Variants in SPATA6 observed in about 807,000 individuals in gnomAD.
SPATA6 encodes spermatogenesis associated 6, also known as spermatogenesis-associated protein 6.
Under a neutral mutation model 65.3 loss-of-function variants are expected in SPATA6, and 56 were observed. That is an observed-to-expected ratio of 0.86 (90% CI 0.69 to 1.07). The LOEUF is 1.07. Among genes scored for constraint, SPATA6 ranks in the 50% least tolerant of loss-of-function variants. SPATA6 has a pLI of 0.00. For missense variants in SPATA6, 590 were observed against 594.8 expected (o/e 0.99, Z 0.08); for synonymous variants, 199 against 213.2 (o/e 0.93, Z 0.58).
At chr1:48,454,064 T>C (rs1427195429) in intron 1 of SPATA6, among the ~76,000 whole-genome samples, 1 of 151,368 alleles carries the variant, frequency 6.6e-6, no homozygotes, top group African/African-American at 2.4e-5. Flanking sequence ...AGTGCACTTA[T>C]ATAGTTAAGT....
chr1:48,276,963 T>A, the SPATA6 span, among the ~76,000 whole-genome samples: 2 of 152,098 alleles, frequency 1.3e-5, no homozygotes, highest in South Asian at 4.2e-4. Context: ...GGAAGTCTAA[T>A]TCTCTTTGTA....
At chr1:48,414,912 A>G (rs1472805690) in intron 3 of SPATA6, among the ~76,000 whole-genome samples, 1 of 152,224 alleles carries the variant, frequency 6.6e-6, no homozygotes, top group African/African-American at 2.4e-5. Flanking sequence ...TTGAAAAACT[A>G]TAACATGCCA....
the SPATA6 span, among the ~76,000 whole-genome samples, chr1:48,287,999 G>A: frequency 6.6e-6 from 1 of 152,142 alleles, no homozygotes; most frequent in Admixed American, 6.5e-5. Flanking sequence ...TTTGTTTAAA[G>A]TTTTTATCAT....
intron 11 of SPATA6, among the ~76,000 whole-genome samples, chr1:48,329,760 C>T (rs1439977851): frequency 2.6e-5 from 4 of 152,156 alleles, no homozygotes. Flanking sequence ...GGGCACCGCC[C>T]ATCTGAGCTC....
intron 11 of SPATA6, among the ~76,000 whole-genome samples, chr1:48,312,663 G>A (rs147840085): frequency 1.2e-4 from 19 of 152,172 alleles, no homozygotes; most frequent in Non-Finnish European, 2.2e-4. Context: ...AAGGAATGCA[G>A]CTCCTCACCA....
At chr1:48,302,912 T>C (rs1398154349) in intron 12 of SPATA6, among the ~76,000 whole-genome samples, 1 of 152,020 alleles carries the variant, frequency 6.6e-6, no homozygotes, top group Non-Finnish European at 1.5e-5. Flanking sequence ...CTCCCTTGCT[T>C]GTTTGCCAAC....
At position 48,305,491 on chromosome 1, in the gene SPATA6, T is replaced by C. The variant is rs185364418; in HGVS notation, c.1286+296A>G. 2.8e-3 allele frequency among the ~76,000 whole-genome samples: 425 copies of C among 152,194 alleles called. 2 individuals carry two copies. Among genetic ancestry groups the C allele is most frequent in the Non-Finnish European group, 3.5e-3 (237 of 67,974 alleles). On this transcript the variant is annotated intron_variant, in intron 12 of 12. Transcript: ENST00000371847. The stretch of plus-strand genomic sequence containing the variant: ...CAAATTATTAAAAAAGGTTGGTTCA[T>C]GGTGTAAAATTATAAGAACTATTTT...
the SPATA6 span, among the ~76,000 whole-genome samples, chr1:48,287,034 T>A: frequency 8.7e-6 from 1 of 115,124 alleles, no homozygotes; most frequent in Non-Finnish European, 1.8e-5. Flanking sequence ...AGTTAGACTG[T>A]CTCAAAAAAA....
rs114708096 is a variant in SPATA6, at chr1:48,319,336, A to G, written c.1195-13458T>C. 2.6e-3 allele frequency among the ~76,000 whole-genome samples: 403 copies of G among 152,292 alleles called. 4 individuals are homozygous for G. The highest frequency in any genetic ancestry group is 9.3e-3 in the African/African-American group (386 of 41,570). Reference sequence around the variant, plus strand: ...AAGGTGGAAGACAAACCACAAACATAAGAATATATTTGCAAACCTTATTAT... The same window carrying G: ...AAGGTGGAAGACAAACCACAAACATGAGAATATATTTGCAAACCTTATTAT... On this transcript the variant is annotated intron_variant, in intron 11 of 12. Transcript: ENST00000371847.
At chr1:48,271,862 G>A in the SPATA6 span, among the ~76,000 whole-genome samples, 12 of 152,096 alleles carry the variant, frequency 7.9e-5, no homozygotes, top group Admixed American at 5.2e-4. Context: ...CACACAATAT[G>A]CTAAACATGA....
chr1:48,329,855 T>A (rs1645866032), intron 11 of SPATA6, among the ~76,000 whole-genome samples: 1 of 152,214 alleles, frequency 6.6e-6, no homozygotes, highest in African/African-American at 2.4e-5. Flanking sequence ...CAGGGACCTG[T>A]GCAAGACCAG....
At chr1:48,289,134 T>C in the SPATA6 span, among the ~76,000 whole-genome samples, 1 of 152,172 alleles carries the variant, frequency 6.6e-6, no homozygotes, top group Admixed American at 6.5e-5. Flanking sequence ...CAGGTGTCCC[T>C]CTGAGACGAA....
chr1:48,353,684 C>A (rs946784301), intron 11 of SPATA6, among the ~76,000 whole-genome samples: 2 of 151,740 alleles, frequency 1.3e-5, no homozygotes, highest in African/African-American at 2.4e-5. Flanking sequence ...ATTAAGAGAA[C>A]CAGAATGTAA....
At chr1:48,436,828 C>T in intron 3 of SPATA6, 23 of 1,613,160 alleles carry the variant, frequency 1.4e-5, no homozygotes, top group Non-Finnish European at 1.9e-5. Flanking sequence ...TCCTTATAGC[C>T]CATTGGATAT....
At chr1:48,395,467 A>C (rs1324767697) in intron 7 of SPATA6, 113 bp from the exon 8 acceptor site, 1 of 553,282 alleles carries the variant, frequency 1.8e-6, no homozygotes, top group Non-Finnish European at 2.8e-6. Flanking sequence ...TCAGGGAAAC[A>C]TGATGGTGCC....
the SPATA6 span, among the ~76,000 whole-genome samples, chr1:48,284,682 C>G: frequency 6.6e-6 from 1 of 152,206 alleles, no homozygotes; most frequent in Non-Finnish European, 1.5e-5. Context: ...TTCTAACAGT[C>G]AGACCCCTCT....
At chr1:48,366,860 C>T (rs530474023) in intron 9 of SPATA6, among the ~76,000 whole-genome samples, 1 of 152,222 alleles carries the variant, frequency 6.6e-6, no homozygotes, top group East Asian at 1.9e-4. Flanking sequence ...TTTGCTCTTG[C>T]TTTTCCAGTT....
At chr1:48,318,707 C>T (rs1016263697) in intron 11 of SPATA6, among the ~76,000 whole-genome samples, 18 of 152,066 alleles carry the variant, frequency 1.2e-4, no homozygotes, top group African/African-American at 4.3e-4. Context: ...CCAAAATGAT[C>T]TAGAGAGCTA....
chr1:48,403,476 C>A (rs1651373651), intron 6 of SPATA6, among the ~76,000 whole-genome samples: 1 of 152,116 alleles, frequency 6.6e-6, no homozygotes, highest in African/African-American at 2.4e-5. Context: ...TTAAAGAAGC[C>A]TAGATCTCTG....
Sources: allele counts gnomAD v4.1 joint callset (sites outside exome capture counted in the v4.1 genomes callset), GRCh38; gene constraint gnomAD v4.1.1; transcripts MANE v1.5; gene names NCBI Gene and HGNC (gene_info 2026-07-23, HGNC 2026-07-21).